Variants in KLF12 observed in about 807,000 individuals in gnomAD.
KLF12 encodes the protein KLF transcription factor 12, also known as Krueppel-like factor 12.
A neutral mutation model predicts 37.8 loss-of-function variants in KLF12; 9 were observed. The observed-to-expected ratio is 0.24, with a 90% CI of 0.14 to 0.42. The LOEUF (loss-of-function observed/expected upper bound fraction) is 0.42. Among genes scored for constraint, KLF12 ranks in the 10% least tolerant of loss-of-function variants. The pLI is 1.00. For synonymous variants in KLF12, 208 were observed against 202.1 expected, an observed-to-expected ratio of 1.03 and a Z score of -0.25; for missense variants, 411 against 516.0, an observed-to-expected ratio of 0.80 and a Z score of 1.97.
At chr13:73,801,154 G>A (rs981365817) in intron 5 of KLF12, 5 of 152,064 alleles carry the variant, frequency 3.3e-5, no homozygotes, top group African/African-American at 1.2e-4. Flanking sequence ...GGCTATTCCT[G>A]AGAATGTGTC....
intron 3 of KLF12, among the ~76,000 whole-genome samples, chr13:73,858,799 T>C (rs903468500): frequency 6.6e-6 from 1 of 152,182 alleles, no homozygotes; most frequent in Admixed American, 6.5e-5. Context: ...TTCAACCCTA[T>C]ATTCTATAAA....
intron 1 of KLF12, among the ~76,000 whole-genome samples, chr13:74,089,952 A>G (rs1055510341): frequency 6.6e-5 from 10 of 151,992 alleles, no homozygotes; most frequent in Admixed American, 3.3e-4. Flanking sequence ...CCAGGATAGT[A>G]AGGCAAGAAA....
intron 1 of KLF12, among the ~76,000 whole-genome samples, chr13:74,040,324 G>A (rs1893367408): frequency 6.6e-6 from 1 of 152,170 alleles, no homozygotes; most frequent in Non-Finnish European, 1.5e-5. Flanking sequence ...GCATCTATGA[G>A]GAAGAGAAAA....
chr13:74,212,828 G>A, the KLF12 span, among the ~76,000 whole-genome samples: 1,081 of 151,920 alleles, frequency 7.1e-3, 10 homozygotes, highest in African/African-American at 0.022. Flanking sequence ...ATACATGGAG[G>A]TAATTTAAAC....
chr13:74,265,831 G>GA, the KLF12 span, among the ~76,000 whole-genome samples: 4 of 152,316 alleles, frequency 2.6e-5, no homozygotes, highest in East Asian at 7.7e-4. Flanking sequence ...GGAAGTCCTG[G>GA]ATCTCACCTT....
chr13:74,094,194 TA>T (rs1371664832), intron 1 of KLF12, among the ~76,000 whole-genome samples: 1 of 152,162 alleles, frequency 6.6e-6, no homozygotes, highest in African/African-American at 2.4e-5. Context: ...AGAAAAGGTT[TA>T]AAATCTCATT....
At chr13:74,077,635 T>C (rs886485835) in intron 1 of KLF12, among the ~76,000 whole-genome samples, 9 of 152,180 alleles carry the variant, frequency 5.9e-5, no homozygotes, top group Admixed American at 3.9e-4. Context: ...AAAATGGTGA[T>C]AAAAACTGTA....
intron 1 of KLF12, among the ~76,000 whole-genome samples, chr13:74,098,147 C>T (rs531704335): frequency 3.9e-5 from 6 of 152,260 alleles, no homozygotes; most frequent in Non-Finnish European, 5.9e-5. Flanking sequence ...GTAACCATTT[C>T]GGCCATAATA....
intron 3 of KLF12, among the ~76,000 whole-genome samples, chr13:73,901,959 C>A (rs1016246913): frequency 2.0e-5 from 3 of 152,112 alleles, no homozygotes; most frequent in Admixed American, 6.5e-5. Context: ...CTTAAAACTA[C>A]AAATTCATTT....
At chr13:74,039,033 G>A in intron 1 of KLF12, among the ~76,000 whole-genome samples, 1 of 151,428 alleles carries the variant, frequency 6.6e-6, no homozygotes, top group East Asian at 1.9e-4. Flanking sequence ...CAATATGTGT[G>A]TTCCTGGAAA....
At chr13:73,887,777 T>C (rs1273995436) in intron 3 of KLF12, among the ~76,000 whole-genome samples, 1 of 152,218 alleles carries the variant, frequency 6.6e-6, no homozygotes, top group Non-Finnish European at 1.5e-5. Context: ...TTAAAATCTT[T>C]GTAAATTCCA....
intron 3 of KLF12, among the ~76,000 whole-genome samples, chr13:73,900,187 T>G (rs1261331488): frequency 1.3e-5 from 2 of 152,278 alleles, no homozygotes; most frequent in African/African-American, 4.8e-5. Flanking sequence ...TGACTGGAGA[T>G]CCGGTCGTCA....
At chr13:74,206,968 AC>A in the KLF12 span, among the ~76,000 whole-genome samples, 7 of 152,212 alleles carry the variant, frequency 4.6e-5, no homozygotes, top group Non-Finnish European at 7.3e-5. Context: ...GCTATAAATT[AC>A]TAAGATGGGG....
At chr13:73,800,109 T>C (rs1261684546) in intron 5 of KLF12, 1 of 152,090 alleles carries the variant, frequency 6.6e-6, no homozygotes, top group South Asian at 2.1e-4. Context: ...TCAATGTTAA[T>C]TTGAGTTTAT....
intron 1 of KLF12, among the ~76,000 whole-genome samples, chr13:74,104,738 A>T (rs1876557011): frequency 6.6e-6 from 1 of 152,204 alleles, no homozygotes; most frequent in South Asian, 2.1e-4. Flanking sequence ...TAAATTCATT[A>T]TATTTATTTT....
chr13:73,853,203 T>C (rs141485480), intron 3 of KLF12, among the ~76,000 whole-genome samples: 57 of 152,358 alleles, frequency 3.7e-4, no homozygotes, highest in Non-Finnish European at 4.4e-5. Context: ...AATGCTAACC[T>C]TTAAAATGTG....
intron 4 of KLF12, among the ~76,000 whole-genome samples, chr13:73,823,736 G>A (rs571440803): frequency 6.7e-6 from 1 of 149,276 alleles, no homozygotes; most frequent in African/African-American, 2.4e-5. Flanking sequence ...TTGAGAGAGA[G>A]TTTCGCTCTT....
chr13:73,720,454 T>C (rs944236703), intron 6 of KLF12, among the ~76,000 whole-genome samples: 2 of 152,186 alleles, frequency 1.3e-5, no homozygotes, highest in Admixed American at 1.3e-4. Context: ...ATGAAAATGG[T>C]AGAGGTAAAA....
chr13:73,973,574 T>C (rs1464922660), intron 2 of KLF12, among the ~76,000 whole-genome samples: 1 of 151,906 alleles, frequency 6.6e-6, no homozygotes, highest in Non-Finnish European at 1.5e-5. Flanking sequence ...AAAGTGTAGC[T>C]CCCTAGAGAA....
Sources: gnomAD v4.1 joint callset for allele counts (sites outside exome capture counted in the v4.1 genomes callset) on GRCh38, gnomAD v4.1.1 for gene constraint, MANE v1.5 for transcripts, NCBI Gene and HGNC (gene_info 2026-07-23, HGNC 2026-07-21) for gene names.